Variants in ESYT2 observed in about 807,000 individuals in gnomAD.
ESYT2 encodes extended synaptotagmin-2.
A neutral mutation model predicts 107.2 loss-of-function variants in ESYT2; 54 were observed. The observed-to-expected ratio is 0.50, with a 90% CI of 0.40 to 0.63. The LOEUF (loss-of-function observed/expected upper bound fraction) is 0.63. Ranked by LOEUF, ESYT2 falls within the 30% of genes least tolerant of loss-of-function variation. The pLI, the probability that ESYT2 is intolerant of heterozygous loss-of-function variation, is 0.00. For synonymous variants in ESYT2, 491 were observed against 434.1 expected (o/e 1.13, Z -1.63); for missense variants, 1,020 against 1,094.5 (o/e 0.93, Z 0.96).
At position 158,749,681 on chromosome 7, in the gene ESYT2, T is replaced by A. The variant is rs1837521426; in HGVS notation, c.1525A>T (p.Met509Leu). ...TCCTGGGCCTTGTGCCCAACTGACA[T>A]CTGGACAACAGGATTTGGGTTGCTG... ...ISSNPNPVVQMSVGHKAQESK... is the reference protein window; with the variant it reads ...ISSNPNPVVQLSVGHKAQESK... Residue 509 changes from methionine (M) to leucine (L), a missense_variant, in exon 15 of 23, where the codon ATG becomes TTG. Physicochemically the swap from Met to Leu is conservative, Grantham distance 15. Transcript: ENST00000275418. 6.2e-7 allele frequency: 1 copy of A among 1,613,918 alleles called. No homozygotes were observed. Among genetic ancestry groups the A allele is most frequent in the Admixed American group, 1.7e-5 (1 of 59,974 alleles).
At position 158,829,081 on chromosome 7, in the gene ESYT2, G is replaced by A. The variant is rs772769764; in HGVS notation, c.330+8C>T. 10 of 1,584,186 alleles carry A rather than the reference G, an allele frequency of 6.3e-6. No individual in the cohort carries two copies. The highest frequency in any genetic ancestry group is 1.4e-5 in the African/African-American group (1 of 72,858). On this transcript the variant is annotated splice_region_variant and intron_variant, in intron 1 of 22. Transcript: ENST00000275418. ...CAGGGGTCGGGACGGGCAGGGGTCT[G>A]CACTCACCCAGGCGGGCAGGTCGCA...
chr7:158,813,367 G>A (rs1209698214), intron 1 of ESYT2, among the ~76,000 whole-genome samples: 1 of 152,130 alleles, frequency 6.6e-6, no homozygotes, highest in Non-Finnish European at 1.5e-5. Flanking sequence ...CAAGATCCAC[G>A]GAATGTACAA....
Position 158,788,401 on chromosome 7 carries a change from C to T in ESYT2, c.601G>A (p.Glu201Lys), listed in dbSNP as rs1467311332. 6.2e-7 allele frequency: 1 copy of T among 1,611,660 alleles called. No individual in the cohort carries two copies. Among genetic ancestry groups the T allele is most frequent in the East Asian group, 2.2e-5 (1 of 44,844 alleles). The change falls in exon 5 of 23, where the codon GAG becomes AAG. Residue 201 changes from glutamate to lysine, a missense_variant. Transcript: ENST00000275418. ...TATCGTTTGATCTCCAAATCAATCT[C>T]ACAATTTCCTACAAAACTAACAAAA... The part of the protein sequence containing the change: ...DLQISFVGNC[E>K]IDLEIKRYFC...
chr7:158,754,702 A>G (rs1181015745), intron 13 of ESYT2, among the ~76,000 whole-genome samples: 2 of 152,142 alleles, frequency 1.3e-5, no homozygotes, highest in African/African-American at 4.8e-5. Context: ...GTGACAATAA[A>G]TTCACTTTGC....
intron 6 of ESYT2, among the ~76,000 whole-genome samples, chr7:158,780,481 A>G (rs1189357446): frequency 1.3e-5 from 2 of 152,230 alleles, no homozygotes; most frequent in South Asian, 4.1e-4. Context: ...AAACCAAACA[A>G]GCAGAGACTA....
intron 6 of ESYT2, among the ~76,000 whole-genome samples, chr7:158,787,488 C>A (rs1447437347): frequency 1.3e-5 from 2 of 152,186 alleles, no homozygotes; most frequent in Non-Finnish European, 2.9e-5. Context: ...CAGCCCTTAT[C>A]TCTGGAAGGG....
At chr7:158,811,116 C>T (rs1839983156) in intron 1 of ESYT2, among the ~76,000 whole-genome samples, 1 of 151,916 alleles carries the variant, frequency 6.6e-6, no homozygotes, top group African/African-American at 2.4e-5. Context: ...GCCATGATTG[C>T]ACCACTGCAC....
At chr7:158,793,313 C>A (rs1015749068) in intron 4 of ESYT2, among the ~76,000 whole-genome samples, 2 of 152,130 alleles carry the variant, frequency 1.3e-5, no homozygotes, top group African/African-American at 4.8e-5. Context: ...CCTACTTGGT[C>A]ATGGTGTAAA....
chr7:158,761,481 T>TC lies in ESYT2; in HGVS notation c.1233+14dup. On this transcript the variant is annotated intron_variant, in intron 11 of 22. Transcript: ENST00000275418. Reference sequence around the variant, plus strand: ...TCAACAATTGTAAACAGACCCACACTCCAGGGAAACTTACTTCATCTAAAA... The same window carrying TC: ...TCAACAATTGTAAACAGACCCACACTCCCAGGGAAACTTACTTCATCTAAAA... 1 of 1,613,798 alleles carries TC rather than the reference T, an allele frequency of 6.2e-7. No individual in the cohort carries two copies. The highest frequency in any genetic ancestry group is 8.5e-7 in the Non-Finnish European group (1 of 1,179,774).
At chr7:158,749,592 A>G in intron 15 of ESYT2, 57 bp downstream of exon 15, 1 of 1,567,614 alleles carries the variant, frequency 6.4e-7, no homozygotes, top group Non-Finnish European at 8.8e-7. Context: ...TGAGACGGCA[A>G]CACGGACAGC....
At chr7:158,756,693 G>A (rs1383821711) in intron 13 of ESYT2, among the ~76,000 whole-genome samples, 1 of 152,050 alleles carries the variant, frequency 6.6e-6, no homozygotes, top group Non-Finnish European at 1.5e-5. Flanking sequence ...TGGACTGCCT[G>A]AGATCAGGAG....
chr7:158,808,343 G>A lies in ESYT2; in HGVS notation c.331-9271C>T, dbSNP rs528391120. Among the ~76,000 whole-genome samples the A allele has an allele frequency of 3.3e-5, 5 of 152,312 alleles. No homozygotes were observed. In the East Asian group the frequency reaches 7.7e-4, roughly 24 times the overall value. On this transcript the variant is annotated intron_variant, in intron 1 of 22. Coordinates refer to ENST00000275418, the MANE Select transcript of ESYT2 (RefSeq NM_001367773.1). ...GCACGTTCGCGCCGAGCATGCTCCCGCCCACTCACCTGTGCTGTCTTGATC... is the reference window on the plus strand; with the variant it reads ...GCACGTTCGCGCCGAGCATGCTCCCACCCACTCACCTGTGCTGTCTTGATC...
intron 1 of ESYT2, 109 bp from the exon 2 acceptor site, chr7:158,799,181 T>C: frequency 1.0e-6 from 1 of 986,160 alleles, no homozygotes; most frequent in Non-Finnish European, 1.6e-6. Flanking sequence ...TACAAGATGC[T>C]TCTTTAAAAC....
intron 19 of ESYT2, 24 bp from the exon 20 acceptor site, chr7:158,737,203 C>A (rs756264220): frequency 2.4e-5 from 38 of 1,610,884 alleles, no homozygotes; most frequent in Non-Finnish European, 3.2e-5. Flanking sequence ...CCAGATAAGA[C>A]GAGGTATTAG....
intron 13 of ESYT2, 118 bp downstream of exon 13, chr7:158,759,368 A>C: frequency 1.3e-6 from 1 of 760,520 alleles, no homozygotes; most frequent in Non-Finnish European, 2.1e-6. Context: ...TTGGACGTGA[A>C]GTGAAAACAC....
At chr7:158,787,965 C>A (rs1420480857) in intron 6 of ESYT2, 39 bp downstream of exon 6, 4 of 1,553,020 alleles carry the variant, frequency 2.6e-6, no homozygotes, top group African/African-American at 2.7e-5. Context: ...ATTTTTGCCA[C>A]CAAATGGGAA....
rs1446329325 is a variant in ESYT2 at position 158,763,176 on chromosome 7, A to G, written c.1102-11T>C. 5 of 1,606,942 alleles carry G rather than the reference A, an allele frequency of 3.1e-6. No homozygotes were observed. The highest frequency in any genetic ancestry group is 4.3e-6 in the Non-Finnish European group (5 of 1,174,884). On this transcript the variant is annotated splice_polypyrimidine_tract_variant and intron_variant, in intron 9 of 22. Coordinates refer to ENST00000275418, the MANE Select transcript of ESYT2 (RefSeq NM_001367773.1). Reference sequence around the variant, plus strand: ...TTCATACACTAAAGCCTAAAACATCAATGGTTAGTAGTTAAGTGCATTTTT... The same window carrying G: ...TTCATACACTAAAGCCTAAAACATCGATGGTTAGTAGTTAAGTGCATTTTT...
At chr7:158,784,700 C>A (rs559832108) in intron 6 of ESYT2, among the ~76,000 whole-genome samples, 1 of 152,178 alleles carries the variant, frequency 6.6e-6, no homozygotes. Flanking sequence ...TAAATAAATT[C>A]GTCTCCTTTT....
intron 17 of ESYT2, among the ~76,000 whole-genome samples, chr7:158,742,244 G>A (rs549637959): frequency 6.6e-6 from 1 of 152,244 alleles, no homozygotes; most frequent in African/African-American, 2.4e-5. Context: ...TCAGGCTCTG[G>A]TGGCAGCAAC....
Sources: gnomAD v4.1 joint callset for allele counts (sites outside exome capture counted in the v4.1 genomes callset) on GRCh38, gnomAD v4.1.1 for gene constraint, MANE v1.5 for transcripts, NCBI Gene and HGNC (gene_info 2026-07-23, HGNC 2026-07-21) for gene names.